Variants in GLS observed in about 807,000 individuals in gnomAD.
GLS encodes glutaminase kidney isoform, mitochondrial.
A neutral mutation model predicts 86.7 loss-of-function variants in GLS; 36 were observed. The observed-to-expected ratio is 0.42, with a 90% CI of 0.32 to 0.55. GLS has a LOEUF of 0.55. Among genes scored for constraint, GLS ranks in the 20% least tolerant of loss-of-function variants. The probability of loss-of-function intolerance (pLI) is 0.17; values close to 1 mark genes in which losing one functional copy is unlikely to be tolerated. For synonymous variants in GLS, 317 were observed against 305.9 expected, an observed-to-expected ratio of 1.04 and a Z score of -0.38; for missense variants, 528 against 833.4, an observed-to-expected ratio of 0.63 and a Z score of 4.51.
At chr2:190,958,105 A>AT (rs1690905817) in intron 17 of GLS, among the ~76,000 whole-genome samples, 1 of 152,150 alleles carries the variant, frequency 6.6e-6, no homozygotes, top group South Asian at 2.1e-4. Flanking sequence ...TACTGCCTCA[A>AT]TTTCAGAACT....
intron 1 of GLS, among the ~76,000 whole-genome samples, chr2:190,886,028 C>G (rs1044961864): frequency 6.6e-5 from 10 of 151,972 alleles, no homozygotes; most frequent in African/African-American, 2.2e-4. Flanking sequence ...CACGTGCCAC[C>G]ACACCTGGCT....
At chr2:190,926,524 G>A (rs986473023) in intron 11 of GLS, among the ~76,000 whole-genome samples, 5 of 151,782 alleles carry the variant, frequency 3.3e-5, no homozygotes, top group South Asian at 2.1e-4. Flanking sequence ...TTTTGACCCC[G>A]TCTCATCCCA....
At chr2:190,937,347 A>T (rs1690300899) in intron 14 of GLS, among the ~76,000 whole-genome samples, 1 of 151,360 alleles carries the variant, frequency 6.6e-6, no homozygotes, top group Admixed American at 6.6e-5. Flanking sequence ...CTAGTAGTTT[A>T]TTAATCTGAA....
At chr2:190,958,590 C>G (rs1690919475) in intron 17 of GLS, among the ~76,000 whole-genome samples, 1 of 152,130 alleles carries the variant, frequency 6.6e-6, no homozygotes, top group South Asian at 2.1e-4. Context: ...ACTGCTTTAG[C>G]TGTGTCCCAG....
In GLS at chr2:190,935,154, T is replaced by A. The variant is rs1690234855; in HGVS notation, c.1650+3517T>A. The A allele has an allele frequency of 1.1e-6, 1 of 921,236 alleles. No homozygotes were observed. Among genetic ancestry groups the A allele is most frequent in the Non-Finnish European group, 1.3e-6 (1 of 771,562 alleles). The allele number at this position is 921,236 out of a possible 1,614,324, so 57.1% of individuals were successfully genotyped here. A position where few individuals can be genotyped will look rare whatever the true frequency, so the allele number is the denominator to read the frequency against. On this transcript the variant is annotated intron_variant, in intron 14 of 17. Transcript: ENST00000320717. The surrounding 1 kb of genome is among the most constrained non-coding windows in gnomAD (Gnocchi z 4.2). ...AGTACTTTGTTTTTAGCATAAATGTTGTGCATTTTATCTTAGTGTTTGGAT... is the reference window on the plus strand; with the variant it reads ...AGTACTTTGTTTTTAGCATAAATGTAGTGCATTTTATCTTAGTGTTTGGAT...
At chr2:190,958,991 G>A (rs1218991207) in intron 17 of GLS, among the ~76,000 whole-genome samples, 22 of 150,330 alleles carry the variant, frequency 1.5e-4, no homozygotes, top group African/African-American at 2.5e-4. Flanking sequence ...TTTCTGTCTC[G>A]TTGATCTGTC....
At chr2:190,946,104 A>G (rs759551485) in intron 14 of GLS, among the ~76,000 whole-genome samples, 22 of 152,146 alleles carry the variant, frequency 1.4e-4, no homozygotes, top group Non-Finnish European at 1.2e-4. Context: ...ACACATCCTT[A>G]AAAATATTAA....
chr2:190,890,784 G>A (rs995314298), intron 1 of GLS, among the ~76,000 whole-genome samples: 1 of 151,912 alleles, frequency 6.6e-6, no homozygotes, highest in African/African-American at 2.4e-5. Context: ...TTTGTATTGT[G>A]TTATTATTAG....
chr2:190,902,558 A>T (rs891352600), intron 5 of GLS, among the ~76,000 whole-genome samples: 16 of 152,186 alleles, frequency 1.1e-4, no homozygotes, highest in Admixed American at 5.2e-4. Flanking sequence ...ACAGCTGCTG[A>T]CAGATGAGGA....
In GLS at chr2:190,917,223, A is replaced by T. The variant is rs984618999; in HGVS notation, c.1039-3801A>T. 3.8e-4 allele frequency among the ~76,000 whole-genome samples: 58 copies of T among 152,154 alleles called. 1 individual carries two copies. Among genetic ancestry groups the T allele is most frequent in the Non-Finnish European group, 1.2e-4 (8 of 68,028 alleles). On this transcript the variant is annotated intron_variant, in intron 7 of 17. Transcript: ENST00000320717. Reference sequence around the variant, plus strand: ...TGGAATGTTCTAACTCCTTTGTTGTATTTCAATGATCTTCAGAGCATCTTT... The same window carrying T: ...TGGAATGTTCTAACTCCTTTGTTGTTTTTCAATGATCTTCAGAGCATCTTT...
At chr2:190,902,378 A>G (rs924432464) in intron 5 of GLS, among the ~76,000 whole-genome samples, 1 of 152,172 alleles carries the variant, frequency 6.6e-6, no homozygotes, top group African/African-American at 2.4e-5. Flanking sequence ...TCAACTTAAC[A>G]TTGGTAACCC....
At position 190,947,142 on chromosome 2, in the gene GLS, A is replaced by G. The variant is rs1007203635; in HGVS notation, c.1651-6423A>G. Among the ~76,000 whole-genome samples, 1 of 152,244 alleles carries G rather than the reference A, an allele frequency of 6.6e-6. No homozygotes were observed. Among genetic ancestry groups the G allele is most frequent in the Non-Finnish European group, 1.5e-5 (1 of 68,038 alleles). ...ACTTACTCATAAGTACAGAATTATT[A>G]GGGCATTTACAGAAGTCACACAACT... On this transcript the variant is annotated intron_variant, in intron 14 of 17. Transcript: ENST00000320717. This position sits in a 1 kb window ranked among gnomAD's most constrained non-coding sequence, Gnocchi z 5.0.
intron 14 of GLS, among the ~76,000 whole-genome samples, chr2:190,950,360 A>G (rs1690687649): frequency 1.3e-5 from 2 of 152,206 alleles, no homozygotes; most frequent in South Asian, 2.1e-4. Context: ...AAAGATCCCT[A>G]TGGCAGCAGA....
intron 14 of GLS, among the ~76,000 whole-genome samples, chr2:190,939,654 G>GTTTATATATGT (rs1266847405): frequency 6.6e-6 from 1 of 151,610 alleles, no homozygotes; most frequent in African/African-American, 2.4e-5. Flanking sequence ...TGTTATATGT[G>GTTTATATATGT]TTTATATATG....
In GLS at chr2:190,914,369, A is replaced by G. The variant is rs1392246923; in HGVS notation, c.1038+4048A>G. Reference sequence around the variant, plus strand: ...TAATGCATGATGCCTTGGACTTGCAACATTCAGAAGACAGGATTATATTGG... The same window carrying G: ...TAATGCATGATGCCTTGGACTTGCAGCATTCAGAAGACAGGATTATATTGG... On this transcript the variant is annotated intron_variant, in intron 7 of 17. Coordinates refer to ENST00000320717, the MANE Select transcript of GLS (RefSeq NM_014905.5). The surrounding 1 kb of genome is among the most constrained non-coding windows in gnomAD (Gnocchi z 4.4). Among the ~76,000 whole-genome samples the G allele has an allele frequency of 2.0e-5, 3 of 151,958 alleles. No homozygotes were observed. The South Asian group carries it at 6.2e-4, about 32-fold the overall frequency.
chr2:190,945,025 T>C (rs1690543669), intron 14 of GLS, among the ~76,000 whole-genome samples: 1 of 151,378 alleles, frequency 6.6e-6, no homozygotes, highest in Admixed American at 6.6e-5. Flanking sequence ...TATTGTATTA[T>C]TGAGGAAGTC....
Position 190,963,104 on chromosome 2 carries a change from T to TC in GLS, c.*118_*119insC, listed in dbSNP as rs1691042163. 1 of 733,514 alleles carries TC rather than the reference T, an allele frequency of 1.4e-6. No individual in the cohort carries two copies. Among genetic ancestry groups the TC allele is most frequent in the Non-Finnish European group, 2.2e-6 (1 of 464,726 alleles). The allele number at this position is 733,514 out of a possible 1,614,324, so 45.4% of individuals were successfully genotyped here. A position where few individuals can be genotyped will look rare whatever the true frequency, so the allele number is the denominator to read the frequency against. On this transcript the variant is annotated 3_prime_UTR_variant, in exon 18 of 18. Transcript: ENST00000320717. ...TATTTTACATTTGTCATTTCAGTGT[T>TC]ACTGGAGTTTTCTTCATTGTGCACA...
In GLS at chr2:190,924,525, C is replaced by A; in HGVS notation, c.1198-18C>A. On this transcript the variant is annotated intron_variant, in intron 10 of 17. Transcript: ENST00000320717. The surrounding 1 kb of genome is among the most constrained non-coding windows in gnomAD (Gnocchi z 5.2). ...TCCTGTGTGCCTGAATTTTTAATTG[C>A]CTTTCTGGTTTTTTTAGTGTTTTCC... is the stretch of plus-strand genomic sequence containing the variant. 6.7e-7 allele frequency: 1 copy of A among 1,501,078 alleles called. No individual in the cohort carries two copies. Among genetic ancestry groups the A allele is most frequent in the Non-Finnish European group, 9.3e-7 (1 of 1,077,384 alleles). The allele number at this position is 1,501,078 out of a possible 1,614,324, so 93.0% of individuals were successfully genotyped here.
intron 1 of GLS, among the ~76,000 whole-genome samples, chr2:190,888,653 C>T (rs918128051): frequency 6.6e-6 from 1 of 152,128 alleles, no homozygotes; most frequent in African/African-American, 2.4e-5. Flanking sequence ...ACTTTATTTA[C>T]AAAAAGAGGA....
Sources: allele counts gnomAD v4.1 joint callset (sites outside exome capture counted in the v4.1 genomes callset), GRCh38; gene constraint gnomAD v4.1.1; non-coding constraint Gnocchi (gnomAD v3.1); transcripts MANE v1.5; gene names NCBI Gene and HGNC (gene_info 2026-07-23, HGNC 2026-07-21).